RERG: variants seen among roughly 807,000 people sequenced by gnomAD.
The protein encoded by RERG is ras-related and estrogen-regulated growth inhibitor.
Under a neutral mutation model 23.2 loss-of-function variants are expected in RERG, and 25 were observed. The ratio of observed to expected loss-of-function variants is 1.08; its 90% confidence interval spans 0.79 to 1.50. The LOEUF is 1.50. Among genes scored for constraint, RERG ranks in the 40% most tolerant of loss-of-function variants. The pLI is 0.00. For missense variants in RERG, 253 were observed against 250.1 expected, an observed-to-expected ratio of 1.01 and a Z score of -0.08; for synonymous variants, 81 against 89.1, an observed-to-expected ratio of 0.91 and a Z score of 0.51.
intron 2 of RERG, 57 bp downstream of exon 2, chr12:15,217,372 T>C (rs1865453932): frequency 1.7e-6 from 2 of 1,162,610 alleles, no homozygotes; most frequent in Non-Finnish European, 2.6e-6. Context: ...GAAACAGTAA[T>C]AAAGAAACAC....
chr12:15,112,985 A>C (rs1863650271), intron 3 of RERG, among the ~76,000 whole-genome samples: 1 of 152,260 alleles, frequency 6.6e-6, no homozygotes, highest in South Asian at 2.1e-4. Flanking sequence ...TTAGAGAATA[A>C]AGCACATCAC....
At position 15,221,259 on chromosome 12, in the gene RERG, A is replaced by G. The variant is rs184403545; in HGVS notation, c.-179T>C. 2 of 152,460 alleles carry G rather than the reference A, an allele frequency of 1.3e-5. No homozygotes were observed. Among genetic ancestry groups the G allele is most frequent in the East Asian group, 3.9e-4 (2 of 5,172 alleles). 9.4% of individuals were successfully genotyped at this position (152,460 alleles called of 1,614,324 possible). ...GCAAGTTCGGAATGGGTCCCCCAAGATCGCGAAGCCCTCCCACACTGCGCA... is the reference window on the plus strand; with the variant it reads ...GCAAGTTCGGAATGGGTCCCCCAAGGTCGCGAAGCCCTCCCACACTGCGCA... On this transcript the variant is annotated 5_prime_UTR_variant, in exon 1 of 5. Coordinates refer to ENST00000256953, the MANE Select transcript of RERG (RefSeq NM_032918.3).
chr12:15,111,266 GC>G (rs1230419989), intron 4 of RERG, 77 bp downstream of exon 4: 1 of 1,083,128 alleles, frequency 9.2e-7, no homozygotes, highest in African/African-American at 1.6e-5. Context: ...GAAGAAAAGT[GC>G]CTTATTTTTG....
intron 2 of RERG, chr12:15,216,947 A>G (rs1393643915): frequency 6.5e-6 from 1 of 152,772 alleles, no homozygotes; most frequent in African/African-American, 2.4e-5. Flanking sequence ...GAATCCTCTC[A>G]GGATTTTTGA....
intron 2 of RERG, among the ~76,000 whole-genome samples, chr12:15,178,749 C>T (rs1466440397): frequency 6.6e-6 from 1 of 152,120 alleles, no homozygotes; most frequent in Non-Finnish European, 1.5e-5. Context: ...CAGGAACAAC[C>T]TCCAAGTTCC....
intron 2 of RERG, among the ~76,000 whole-genome samples, chr12:15,201,664 A>C (rs943542600): frequency 6.7e-6 from 1 of 149,292 alleles, no homozygotes; most frequent in African/African-American, 2.4e-5. Context: ...ATTATTAGTA[A>C]TAATAGTAAT....
chr12:15,213,996 A>ATGTGTGTGTGTGTG (rs59427690), intron 2 of RERG, among the ~76,000 whole-genome samples: 1 of 130,964 alleles, frequency 7.6e-6, no homozygotes, highest in African/African-American at 2.8e-5. Flanking sequence ...CAGAGAAAGT[A>ATGTGTGTGTGTGTG]TGTGTGTGTG....
At chr12:15,198,669 T>G (rs1468205560) in intron 2 of RERG, among the ~76,000 whole-genome samples, 1 of 152,292 alleles carries the variant, frequency 6.6e-6, no homozygotes, top group East Asian at 1.9e-4. Flanking sequence ...ACACAGGTCA[T>G]GAAGGTCTCT....
At chr12:15,174,245 T>C (rs1389763988) in intron 2 of RERG, among the ~76,000 whole-genome samples, 1 of 152,024 alleles carries the variant, frequency 6.6e-6, no homozygotes, top group African/African-American at 2.4e-5. Context: ...TCAGCCCCGG[T>C]AAAAAGTAAT....
chr12:15,208,009 T>C (rs902969861), intron 2 of RERG, among the ~76,000 whole-genome samples: 2 of 152,128 alleles, frequency 1.3e-5, no homozygotes, highest in Admixed American at 6.6e-5. Context: ...GTTTTGTCGA[T>C]GTAGTTAATA....
intron 2 of RERG, among the ~76,000 whole-genome samples, chr12:15,165,134 A>G (rs1864668662): frequency 1.3e-5 from 2 of 152,186 alleles, no homozygotes; most frequent in Non-Finnish European, 2.9e-5. Context: ...GTGGCACTTT[A>G]AAGCTGAAGG....
At chr12:15,220,601 C>T (rs1865499707) in intron 1 of RERG, among the ~76,000 whole-genome samples, 2 of 152,224 alleles carry the variant, frequency 1.3e-5, no homozygotes, top group East Asian at 3.9e-4. Context: ...AAGGTTCATG[C>T]TTTCTACTTC....
At chr12:15,131,785 T>G in intron 2 of RERG, among the ~76,000 whole-genome samples, 1 of 152,184 alleles carries the variant, frequency 6.6e-6, no homozygotes, top group Non-Finnish European at 1.5e-5. Context: ...ACACATACAG[T>G]TCATTTGCAA....
intron 2 of RERG, among the ~76,000 whole-genome samples, chr12:15,177,436 G>C (rs1052738845): frequency 1.3e-5 from 2 of 151,976 alleles, no homozygotes; most frequent in Non-Finnish European, 2.9e-5. Context: ...CTGGGTGAAA[G>C]AATGAGACTC....
chr12:15,212,348 C>A (rs1008454141), intron 2 of RERG, among the ~76,000 whole-genome samples: 2 of 151,762 alleles, frequency 1.3e-5, no homozygotes, highest in African/African-American at 4.8e-5. Flanking sequence ...CGTGAGCCAC[C>A]GCGCCCGGCC....
intron 2 of RERG, among the ~76,000 whole-genome samples, chr12:15,140,807 C>G (rs1009980232): frequency 3.3e-5 from 5 of 152,080 alleles, no homozygotes; most frequent in Non-Finnish European, 7.4e-5. Context: ...ATCTTCCCCC[C>G]ATGCCAGCTG....
intron 4 of RERG, chr12:15,111,124 A>T (rs1863605414): frequency 2.4e-6 from 1 of 413,564 alleles, no homozygotes; most frequent in Non-Finnish European, 4.3e-6. Flanking sequence ...TGAATATTAT[A>T]GTATTTTCAA....
intron 2 of RERG, among the ~76,000 whole-genome samples, chr12:15,150,860 C>T (rs1864428640): frequency 6.6e-6 from 1 of 152,122 alleles, no homozygotes; most frequent in African/African-American, 2.4e-5. Flanking sequence ...CTGCTGTTCA[C>T]CAGGAGGCAA....
intron 2 of RERG, among the ~76,000 whole-genome samples, chr12:15,177,556 A>G (rs1035167795): frequency 6.6e-6 from 1 of 152,230 alleles, no homozygotes; most frequent in Non-Finnish European, 1.5e-5. Context: ...GCTTAATAGA[A>G]TACCTCAAAA....
Sources: allele counts gnomAD v4.1 joint callset (sites outside exome capture counted in the v4.1 genomes callset), GRCh38; gene constraint gnomAD v4.1.1; transcripts MANE v1.5; gene names NCBI Gene and HGNC (gene_info 2026-07-23, HGNC 2026-07-21).